Variants in CD109 observed in about 807,000 individuals in gnomAD.
The protein encoded by CD109 is CD109 antigen.
In CD109, 149 loss-of-function variants were observed where a neutral mutation model predicts 165.8. That is an observed-to-expected ratio of 0.90 (90% CI 0.79 to 1.03). The LOEUF (loss-of-function observed/expected upper bound fraction) is 1.03. Among genes scored for constraint, CD109 ranks in the 50% least tolerant of loss-of-function variants. The pLI, the probability that CD109 is intolerant of heterozygous loss-of-function variation, is 0.00. For missense variants in CD109, 1,712 were observed against 1,677.8 expected, an observed-to-expected ratio of 1.02 and a Z score of -0.36; for synonymous variants, 585 against 592.1, an observed-to-expected ratio of 0.99 and a Z score of 0.18.
Position 73,719,630 on chromosome 6 carries a change from C to A in CD109, c.248-3621C>A, listed in dbSNP as rs1462427948. Among the ~76,000 whole-genome samples, 5 of 152,190 alleles carry A rather than the reference C, an allele frequency of 3.3e-5. No individual in the cohort carries two copies. In the South Asian group the frequency reaches 8.3e-4, roughly 25 times the overall value. On this transcript the variant is annotated intron_variant, in intron 2 of 32. Transcript: ENST00000287097. ...AAATTAAGAAAACACCCTCTCCACA[C>A]ATGCTCAGGTACCTGATGAGATCAG...
At chr6:73,744,435 T>G (rs115495405) in intron 5 of CD109, among the ~76,000 whole-genome samples, 319 of 152,318 alleles carry the variant, frequency 2.1e-3, no homozygotes, top group African/African-American at 6.9e-3. Context: ...ATATTTTCAT[T>G]TTGAGAATAT....
chr6:73,792,625 G>A lies in CD109; in HGVS notation c.2702-1G>A, dbSNP rs750968838. 2 of 1,612,402 alleles carry A rather than the reference G, an allele frequency of 1.2e-6. No homozygotes were observed. Among genetic ancestry groups the A allele is most frequent in the Non-Finnish European group, 8.5e-7 (1 of 1,179,836 alleles). ...ATGAACTGCATGTCTTGTGCTTCCA[G>A]GAGATGTTCTTGGTCCTTCCATCAA... On this transcript the variant is annotated splice_acceptor_variant, in intron 22 of 32. Coordinates refer to ENST00000287097, the MANE Select transcript of CD109 (RefSeq NM_133493.5). LOFTEE classifies it high-confidence loss of function.
At chr6:73,701,126 G>C (rs541955864) in intron 2 of CD109, among the ~76,000 whole-genome samples, 1 of 144,766 alleles carries the variant, frequency 6.9e-6, no homozygotes, top group Admixed American at 6.9e-5. Flanking sequence ...TTTTTTTTTG[G>C]TGAATAATAG....
At chr6:73,735,093 G>A (rs142589070) in intron 4 of CD109, among the ~76,000 whole-genome samples, 5 of 152,242 alleles carry the variant, frequency 3.3e-5, no homozygotes, top group African/African-American at 1.2e-4. Flanking sequence ...ACATGCATGG[G>A]CTTTTTGGGA....
intron 1 of CD109, among the ~76,000 whole-genome samples, chr6:73,696,989 G>A (rs781462896): frequency 1.7e-4 from 26 of 152,310 alleles, no homozygotes; most frequent in Non-Finnish European, 2.1e-4. Flanking sequence ...CAAAATCTTA[G>A]TTAAAAAATA....
chr6:73,738,158 C>A (rs951527034), intron 5 of CD109, among the ~76,000 whole-genome samples: 4 of 152,194 alleles, frequency 2.6e-5, no homozygotes, highest in African/African-American at 9.6e-5. Flanking sequence ...GTGTTCAGTC[C>A]AGCTTGGTGA....
chr6:73,795,309 A>G (rs567653790), intron 23 of CD109, among the ~76,000 whole-genome samples: 1 of 151,508 alleles, frequency 6.6e-6, no homozygotes, highest in African/African-American at 2.4e-5. Context: ...CTTTAAACAG[A>G]AAGCATAAAT....
At position 73,815,028 on chromosome 6, in the gene CD109, A is replaced by G. The variant is rs1582205194; in HGVS notation, c.3816A>G (p.Arg1272=). Residue 1272 remains arginine (R), a synonymous_variant, in exon 30 of 33, where the codon CGA becomes CGG. Coordinates refer to ENST00000287097, the MANE Select transcript of CD109 (RefSeq NM_133493.5). ...NVKASGSSRR[R]RSIQNQEAFD... ...AGGCTTCTGGGTCTTCTAGAAGACG[A>G]AGATCTATCCAAAATCAAGAAGCCT... 6 of 1,584,992 alleles carry G rather than the reference A, an allele frequency of 3.8e-6. No homozygotes were observed. The highest frequency in any genetic ancestry group is 4.3e-6 in the Non-Finnish European group (5 of 1,170,750).
intron 4 of CD109, among the ~76,000 whole-genome samples, chr6:73,735,748 G>A (rs1353797341): frequency 6.6e-6 from 1 of 152,160 alleles, no homozygotes; most frequent in Non-Finnish European, 1.5e-5. Flanking sequence ...ATTGAGTCAT[G>A]CCAGTCACTT....
intron 1 of CD109, 147 bp from the exon 2 acceptor site, chr6:73,697,253 C>A: frequency 1.6e-6 from 1 of 630,362 alleles, no homozygotes; most frequent in Non-Finnish European, 2.8e-6. Flanking sequence ...AATTCAGTTG[C>A]CAAATAGAGC....
chr6:73,809,125 A>G (rs1258863257), intron 26 of CD109, among the ~76,000 whole-genome samples: 2 of 152,062 alleles, frequency 1.3e-5, no homozygotes, highest in African/African-American at 2.4e-5. Flanking sequence ...AAGTGTAGTC[A>G]TCATCTAAAT....
At chr6:73,741,241 C>T (rs771905578) in intron 5 of CD109, among the ~76,000 whole-genome samples, 1 of 152,096 alleles carries the variant, frequency 6.6e-6, no homozygotes, top group East Asian at 1.9e-4. Context: ...GCTTAATTGA[C>T]ACACATATTC....
intron 15 of CD109, among the ~76,000 whole-genome samples, chr6:73,778,615 C>G (rs6918612): frequency 0.39 from 59,242 of 152,018 alleles, 11,848 homozygotes; most frequent in African/African-American, 0.48. Context: ...ATATGCCTGG[C>G]TCTGGCTCCC....
rs1261134655 is a variant in CD109 at position 73,825,764 on chromosome 6, G to T, written c.*2131G>T. The T allele has an allele frequency of 6.6e-6, 1 of 152,186 alleles. No individual in the cohort carries two copies. The highest frequency in any genetic ancestry group is 2.4e-5 in the African/African-American group (1 of 41,422). 9.4% of individuals were successfully genotyped at this position (152,186 alleles called of 1,614,324 possible). A position where few individuals can be genotyped will look rare whatever the true frequency, so the allele number is the denominator to read the frequency against. On this transcript the variant is annotated 3_prime_UTR_variant, in exon 33 of 33. Coordinates refer to ENST00000287097, the MANE Select transcript of CD109 (RefSeq NM_133493.5). ...GGAGGCTGAGGCGGGTGAATCACAA[G>T]GTTAGGAGTTTGAGACCAGCCTGGC...
chr6:73,730,548 A>T lies in CD109; in HGVS notation c.481A>T (p.Lys161Ter), dbSNP rs750225907. 1.2e-6 allele frequency: 2 copies of T among 1,613,048 alleles called. No individual in the cohort carries two copies. Among genetic ancestry groups the T allele is most frequent in the East Asian group, 4.5e-5 (2 of 44,880 alleles). ...ACTCTTCTCAGATTTTAAGCCTTAC[A>T]AAACCTCTTTAAACATTCTCATTAA... ...VTLFSDFKPY[K>*]TSLNILIKDP... Residue 161 changes from lysine (K) to a stop codon, truncating the protein, a stop_gained, in exon 4 of 33, where the codon AAA (lysine) becomes TAA (stop). Transcript: ENST00000287097. LOFTEE classifies it high-confidence loss of function.
chr6:73,807,469 T>G (rs1775608714), intron 25 of CD109, among the ~76,000 whole-genome samples: 1 of 152,174 alleles, frequency 6.6e-6, no homozygotes, highest in Admixed American at 6.5e-5. Flanking sequence ...ACAGTTACAA[T>G]ATCTGTTAAT....
intron 32 of CD109, among the ~76,000 whole-genome samples, chr6:73,821,086 C>T (rs572400813): frequency 2.0e-5 from 3 of 152,210 alleles, no homozygotes; most frequent in African/African-American, 7.2e-5. Flanking sequence ...CATGTTCGCA[C>T]TCATAGGTGG....
intron 2 of CD109, among the ~76,000 whole-genome samples, chr6:73,721,435 G>A (rs757167548): frequency 2.6e-5 from 4 of 151,298 alleles, no homozygotes; most frequent in Non-Finnish European, 5.9e-5. Flanking sequence ...CACGATCTTG[G>A]CTCGCTGCAA....
At chr6:73,752,107 T>C (rs1244569055) in intron 5 of CD109, among the ~76,000 whole-genome samples, 5 of 152,202 alleles carry the variant, frequency 3.3e-5, no homozygotes, top group African/African-American at 1.2e-4. Flanking sequence ...TATTAGGGAA[T>C]TGAAATGACC....
Sources: gnomAD v4.1 joint callset for allele counts (sites outside exome capture counted in the v4.1 genomes callset) on GRCh38, gnomAD v4.1.1 for gene constraint, MANE v1.5 for transcripts, NCBI Gene and HGNC (gene_info 2026-07-23, HGNC 2026-07-21) for gene names.